CDC14A: variants seen among roughly 807,000 people sequenced by gnomAD.
The protein encoded by CDC14A is cell division cycle 14A, also known as dual specificity protein phosphatase CDC14A.
A neutral mutation model predicts 74.4 loss-of-function variants in CDC14A; 53 were observed. The observed-to-expected ratio is 0.71, with a 90% CI of 0.57 to 0.89. The LOEUF is 0.89. Ranked by LOEUF, CDC14A falls within the 40% of genes least tolerant of loss-of-function variation. The pLI, the probability that CDC14A is intolerant of heterozygous loss-of-function variation, is 0.00. For synonymous variants in CDC14A, 247 were observed against 258.4 expected (o/e 0.96, Z 0.43); for missense variants, 646 against 713.7 (o/e 0.91, Z 1.08).
At chr1:100,511,105 C>A (rs1415942950) in intron 15 of CDC14A, among the ~76,000 whole-genome samples, 1 of 152,208 alleles carries the variant, frequency 6.6e-6, no homozygotes, top group African/African-American at 2.4e-5. Flanking sequence ...TTTCCAGAAT[C>A]TTTCATGAAG....
chr1:100,474,402 T>C (rs1377618370), intron 10 of CDC14A, among the ~76,000 whole-genome samples: 1 of 152,178 alleles, frequency 6.6e-6, no homozygotes, highest in Non-Finnish European at 1.5e-5. Context: ...TTGTGAGAGC[T>C]GGTGTGAATT....
At chr1:100,410,232 A>T (rs920376841) in intron 4 of CDC14A, among the ~76,000 whole-genome samples, 4 of 152,064 alleles carry the variant, frequency 2.6e-5, no homozygotes, top group East Asian at 1.9e-4. Context: ...AGAAAAAAAA[A>T]TTTTTATTTT....
At chr1:100,459,086 AACACACACACACACGCACACAC>A (rs1667024513) in intron 8 of CDC14A, among the ~76,000 whole-genome samples, 1 of 129,236 alleles carries the variant, frequency 7.7e-6, no homozygotes, top group African/African-American at 3.6e-5. Context: ...CTTCTATTTA[AACACACACACACACGCACACAC>A]ACACACACAC....
chr1:100,399,585 A>G (rs945931483), intron 4 of CDC14A, among the ~76,000 whole-genome samples: 1 of 152,208 alleles, frequency 6.6e-6, no homozygotes, highest in African/African-American at 2.4e-5. Context: ...TTTTTGATTA[A>G]TGAGGTTGAT....
rs1366697180 is a variant in CDC14A, at chr1:100,459,097, ACACG to A, written c.608-3550_608-3547del. 6.1e-3 allele frequency among the ~76,000 whole-genome samples: 834 copies of A among 136,760 alleles called. 10 individuals are homozygous for A. Among genetic ancestry groups the A allele is most frequent in the African/African-American group, 0.023 (789 of 33,890 alleles). The allele number at this position is 136,760 out of a possible 152,430, so 89.7% of individuals were successfully genotyped here. On this transcript the variant is annotated intron_variant, in intron 8 of 15. Coordinates refer to ENST00000336454, the MANE Select transcript of CDC14A (RefSeq NM_003672.4). ...CTCACTTCTATTTAAACACACACAC[ACACG>A]CACACACACACACACACACACACAC...
chr1:100,479,997 T>G (rs1669287806), intron 10 of CDC14A, among the ~76,000 whole-genome samples: 1 of 152,198 alleles, frequency 6.6e-6, no homozygotes, highest in Non-Finnish European at 1.5e-5. Context: ...GTAAAATATG[T>G]ATAACATAAA....
upstream of CDC14A, among the ~76,000 whole-genome samples, chr1:100,351,310 A>C (rs1414301189): frequency 6.6e-6 from 1 of 152,080 alleles, no homozygotes; most frequent in African/African-American, 2.4e-5. Flanking sequence ...CCTAGAGGTC[A>C]ACAAGCGACT....
At chr1:100,504,685 C>T (rs1649077195) in intron 15 of CDC14A, 1 of 640,790 alleles carries the variant, frequency 1.6e-6, no homozygotes, top group African/African-American at 1.8e-5. Flanking sequence ...ACCAGTGGTC[C>T]CTTAGTGCTA....
chr1:100,441,121 T>C (rs1664882319), intron 6 of CDC14A, among the ~76,000 whole-genome samples: 1 of 152,256 alleles, frequency 6.6e-6, no homozygotes, highest in South Asian at 2.1e-4. Context: ...TACAGGCCAT[T>C]TGTTTTATAA....
chr1:100,412,698 A>ATATATATATATATATATATATATTT (rs1660878096), intron 4 of CDC14A, among the ~76,000 whole-genome samples: 2 of 35,314 alleles, frequency 5.7e-5, no homozygotes, highest in Non-Finnish European at 1.1e-4. Context: ...TGTATGTTTT[A>ATATATATATATATATATATATATTT]TATATATATA....
At chr1:100,375,552 C>T (rs1463147750) in intron 2 of CDC14A, among the ~76,000 whole-genome samples, 1 of 151,710 alleles carries the variant, frequency 6.6e-6, no homozygotes, top group African/African-American at 2.4e-5. Flanking sequence ...AAAAAATGCT[C>T]ATCATCACTG....
intron 9 of CDC14A, among the ~76,000 whole-genome samples, chr1:100,466,900 A>C (rs1054092959): frequency 6.7e-6 from 1 of 150,070 alleles, no homozygotes; most frequent in Admixed American, 6.6e-5. Context: ...AGAAGGGTTA[A>C]TGGGAAGGAA....
chr1:100,420,063 C>CATACACATATATATATATATATATAT (rs1553180568), intron 4 of CDC14A, among the ~76,000 whole-genome samples: 2 of 61,566 alleles, frequency 3.2e-5, no homozygotes, highest in East Asian at 1.1e-3. Context: ...CACACACACA[C>CATACACATATATATATATATATATAT]ATATATATAT....
chr1:100,407,879 A>C (rs2101029373), intron 4 of CDC14A, among the ~76,000 whole-genome samples: 1 of 152,238 alleles, frequency 6.6e-6, no homozygotes, highest in Middle Eastern at 3.4e-3. Context: ...ATACATACTG[A>C]TGTTTTTTTA....
chr1:100,351,575 T>C (rs909391295), upstream of CDC14A: 2 of 615,154 alleles, frequency 3.3e-6, no homozygotes, highest in Non-Finnish European at 5.8e-6. Context: ...GAAATTCCTT[T>C]GTGTTAACCT....
intron 9 of CDC14A, among the ~76,000 whole-genome samples, chr1:100,465,116 G>A (rs920828235): frequency 6.6e-6 from 1 of 151,706 alleles, no homozygotes; most frequent in African/African-American, 2.4e-5. Flanking sequence ...TAGTAGAGAT[G>A]GGGTTCTGCT....
chr1:100,351,361 A>C (rs1275870497), upstream of CDC14A, among the ~76,000 whole-genome samples: 1 of 152,208 alleles, frequency 6.6e-6, no homozygotes, highest in African/African-American at 2.4e-5. Flanking sequence ...CTGTTTCTGG[A>C]GAGACCTCTC....
intron 4 of CDC14A, among the ~76,000 whole-genome samples, chr1:100,420,120 GTTTTTTTTTTTTT>G (rs61463263): frequency 2.3e-4 from 11 of 48,202 alleles, no homozygotes; most frequent in Admixed American, 5.0e-4. Context: ...TGCTGAAAAG[GTTTTTTTTTTTTT>G]TTTTTTTTTT....
intron 4 of CDC14A, among the ~76,000 whole-genome samples, chr1:100,421,732 C>G (rs1245017704): frequency 2.6e-5 from 4 of 152,110 alleles, no homozygotes. Flanking sequence ...GGAGTCAGCC[C>G]ACTGTTCGAA....
Sources: gnomAD v4.1 joint callset for allele counts (sites outside exome capture counted in the v4.1 genomes callset) on GRCh38, gnomAD v4.1.1 for gene constraint, MANE v1.5 for transcripts, NCBI Gene and HGNC (gene_info 2026-07-23, HGNC 2026-07-21) for gene names.